DGKI: variants seen among roughly 807,000 people sequenced by gnomAD.
DGKI encodes DAG kinase iota.
In DGKI, 55 loss-of-function variants were observed where a neutral mutation model predicts 147.5. The observed-to-expected ratio is 0.37, with a 90% CI of 0.30 to 0.47. The LOEUF is 0.47. Among genes scored for constraint, DGKI ranks in the 20% least tolerant of loss-of-function variants. DGKI has a pLI of 1.00. For synonymous variants in DGKI, 469 were observed against 477.1 expected, an observed-to-expected ratio of 0.98 and a Z score of 0.22; for missense variants, 1,007 against 1,323.8, an observed-to-expected ratio of 0.76 and a Z score of 3.71.
At chr7:137,475,134 C>A (rs1354394197) in intron 23 of DGKI, among the ~76,000 whole-genome samples, 1 of 152,144 alleles carries the variant, frequency 6.6e-6, no homozygotes, top group African/African-American at 2.4e-5. Context: ...ACATTTCAGA[C>A]CAGATCATTT....
rs1223620097 is a variant in DGKI, at chr7:137,653,049, C to T, written c.738+1683G>A. Among the ~76,000 whole-genome samples the T allele has an allele frequency of 1.2e-4, 18 of 152,308 alleles. No individual in the cohort carries two copies. In the South Asian group the frequency reaches 2.9e-3, roughly 25 times the overall value. On this transcript the variant is annotated intron_variant, in intron 5 of 32. Transcript: ENST00000614521. ...ACAGTTCTACAACTAAACTCATTAC[C>T]TCCCCAGCCCATCCTCAAATCAACT... is the stretch of plus-strand genomic sequence containing the variant.
Position 137,678,671 on chromosome 7 carries a change from C to G in DGKI, c.511-19G>C. ...CATTCTCCTGCAAGGAAAAGACCCA[C>G]CTGACATCAATTTTTTTTTTCCAGG... On this transcript the variant is annotated intron_variant, in intron 2 of 32. Coordinates refer to ENST00000614521, the MANE Select transcript of DGKI (RefSeq NM_001321708.2). 1 of 1,609,880 alleles carries G rather than the reference C, an allele frequency of 6.2e-7. No homozygotes were observed. The highest frequency in any genetic ancestry group is 1.1e-5 in the South Asian group (1 of 90,434).
At chr7:137,774,302 T>A (rs565100046) in intron 1 of DGKI, among the ~76,000 whole-genome samples, 80 of 149,624 alleles carry the variant, frequency 5.3e-4, no homozygotes, top group African/African-American at 1.2e-3. Flanking sequence ...CCAACTGTTT[T>A]AAAAAAAAAA....
chr7:137,410,272 G>A (rs1056076394), intron 29 of DGKI, among the ~76,000 whole-genome samples: 2 of 152,100 alleles, frequency 1.3e-5, no homozygotes, highest in African/African-American at 4.8e-5. Flanking sequence ...GGGTGTGGTG[G>A]CAGGCACCTG....
At chr7:137,504,238 C>G (rs2128944068) in intron 21 of DGKI, among the ~76,000 whole-genome samples, 1 of 152,310 alleles carries the variant, frequency 6.6e-6, no homozygotes, top group Middle Eastern at 3.4e-3. Flanking sequence ...GAGCTGAGAG[C>G]TCAGCATTTT....
intron 1 of DGKI, among the ~76,000 whole-genome samples, chr7:137,692,159 CTCCACCTA>C (rs1823637284): frequency 6.6e-6 from 1 of 152,120 alleles, no homozygotes; most frequent in Non-Finnish European, 1.5e-5. Context: ...AACAGTTTTC[CTCCACCTA>C]TGTTGAAGGA....
At chr7:137,777,062 A>G (rs1796382862) in intron 1 of DGKI, among the ~76,000 whole-genome samples, 1 of 152,090 alleles carries the variant, frequency 6.6e-6, no homozygotes. Flanking sequence ...GCATGGTGGC[A>G]CATGCCTGTA....
intron 19 of DGKI, among the ~76,000 whole-genome samples, chr7:137,564,119 C>T (rs925681261): frequency 2.0e-5 from 3 of 152,122 alleles, no homozygotes; most frequent in Non-Finnish European, 4.4e-5. Flanking sequence ...AGCACCAAAG[C>T]AATTTTACAG....
At chr7:137,791,562 T>C (rs781026193) in intron 1 of DGKI, among the ~76,000 whole-genome samples, 30 of 152,242 alleles carry the variant, frequency 2.0e-4, no homozygotes, top group Non-Finnish European at 3.1e-4. Context: ...TTAAAATTTA[T>C]AAGATCCTAT....
At chr7:137,423,732 T>C (rs1204055976) in intron 28 of DGKI, among the ~76,000 whole-genome samples, 1 of 152,182 alleles carries the variant, frequency 6.6e-6, no homozygotes. Context: ...AGGAAGGAGT[T>C]AATTTAGCAA....
chr7:137,427,779 G>A (rs578025084), intron 28 of DGKI, among the ~76,000 whole-genome samples: 5 of 152,226 alleles, frequency 3.3e-5, no homozygotes, highest in African/African-American at 9.6e-5. Flanking sequence ...ACACCTCTAC[G>A]CAAATCAACT....
At chr7:137,645,398 G>A (rs1265686388) in intron 6 of DGKI, 74 bp downstream of exon 6, 2 of 1,292,254 alleles carry the variant, frequency 1.5e-6, no homozygotes, top group African/African-American at 1.5e-5. Flanking sequence ...TTTGGGGACA[G>A]GACTCATCTA....
At chr7:137,725,768 A>G (rs796721672) in intron 1 of DGKI, among the ~76,000 whole-genome samples, 75 of 152,228 alleles carry the variant, frequency 4.9e-4, no homozygotes, top group African/African-American at 1.7e-3. Flanking sequence ...TCAAGCATAG[A>G]TTTCCATGTA....
chr7:137,636,971 T>G (rs1245870951), intron 6 of DGKI, among the ~76,000 whole-genome samples: 2 of 152,212 alleles, frequency 1.3e-5, no homozygotes, highest in Non-Finnish European at 2.9e-5. Context: ...CCTGCAGAAC[T>G]GTGAGCCAAA....
intron 31 of DGKI, among the ~76,000 whole-genome samples, chr7:137,397,084 T>C (rs1811581614): frequency 6.6e-6 from 1 of 152,258 alleles, no homozygotes; most frequent in Admixed American, 6.5e-5. Flanking sequence ...TGTAATTATT[T>C]AGACTTCTCA....
At chr7:137,455,308 G>C (rs1045876609) in intron 27 of DGKI, among the ~76,000 whole-genome samples, 1 of 152,020 alleles carries the variant, frequency 6.6e-6, no homozygotes, top group East Asian at 1.9e-4. Flanking sequence ...CTCAGTTATA[G>C]ATCAGTTCGA....
Position 137,388,898 on chromosome 7 carries a change from T to C in DGKI, c.*2322A>G, listed in dbSNP as rs1489198518. The C allele has an allele frequency of 2.0e-5, 3 of 152,052 alleles. No homozygotes were observed. In the South Asian group the frequency reaches 6.2e-4, roughly 32 times the overall value. The allele number at this position is 152,052 out of a possible 1,614,324, so 9.4% of individuals were successfully genotyped here. ...TCATAACACAGATTTATGTCTTCAA[T>C]TGGAGCTATTTAGAAATTGGCCCAT... On this transcript the variant is annotated 3_prime_UTR_variant, in exon 33 of 33. Coordinates refer to ENST00000614521, the MANE Select transcript of DGKI (RefSeq NM_001321708.2).
At chr7:137,477,822 A>G (rs1277840788) in intron 23 of DGKI, among the ~76,000 whole-genome samples, 1 of 152,002 alleles carries the variant, frequency 6.6e-6, no homozygotes, top group Admixed American at 6.6e-5. Flanking sequence ...GCGCCCGGCT[A>G]ATTTTGGGGT....
At chr7:137,642,870 A>G (rs1475338760) in intron 6 of DGKI, among the ~76,000 whole-genome samples, 1 of 151,340 alleles carries the variant, frequency 6.6e-6, no homozygotes, top group Non-Finnish European at 1.5e-5. Flanking sequence ...AAAAAAAAAA[A>G]AGTTTTGCTA....
Sources: gnomAD v4.1 joint callset for allele counts (sites outside exome capture counted in the v4.1 genomes callset) on GRCh38, gnomAD v4.1.1 for gene constraint, MANE v1.5 for transcripts, NCBI Gene and HGNC (gene_info 2026-07-23, HGNC 2026-07-21) for gene names.